Variants in LEP observed in about 807,000 individuals in gnomAD.
LEP encodes the protein leptin.
Under a neutral mutation model 9.8 loss-of-function variants are expected in LEP, and 6 were observed. The observed-to-expected ratio is 0.61, with a 90% CI of 0.34 to 1.21. The LOEUF (loss-of-function observed/expected upper bound fraction) is 1.21. LEP is among the 50% of genes most tolerant of loss of function. The pLI, the probability that LEP is intolerant of heterozygous loss-of-function variation, is 0.04. For synonymous variants in LEP, 112 were observed against 81.7 expected (o/e 1.37, Z -2.00); for missense variants, 134 against 198.1 (o/e 0.68, Z 1.94).
chr7:128,250,165 C>T lies in LEP; in HGVS notation c.-28-1826C>T, dbSNP rs751385714. Among the ~76,000 whole-genome samples, 79 of 152,294 alleles carry T rather than the reference C, an allele frequency of 5.2e-4. 1 individual carries two copies. Among genetic ancestry groups the T allele is most frequent in the Middle Eastern group, 3.4e-3 (1 of 294 alleles). On this transcript the variant is annotated intron_variant, in intron 1 of 2. Transcript: ENST00000308868. ...CGCAGAGCCTAATCACTACACCCGCCCATCTCTGCTAGGGTTTCATGACTT... is the reference window on the plus strand; with the variant it reads ...CGCAGAGCCTAATCACTACACCCGCTCATCTCTGCTAGGGTTTCATGACTT...
intron 1 of LEP, among the ~76,000 whole-genome samples, chr7:128,245,802 G>C (rs2116209388): frequency 6.6e-6 from 1 of 152,270 alleles, no homozygotes; most frequent in South Asian, 2.1e-4. Context: ...GGTGGCTCAT[G>C]CCTGTAATCC....
intron 1 of LEP, among the ~76,000 whole-genome samples, chr7:128,246,424 C>T (rs1056977920): frequency 6.6e-6 from 1 of 152,102 alleles, no homozygotes; most frequent in Non-Finnish European, 1.5e-5. Context: ...TCTCTTGCTG[C>T]CCTGTTTACT....
intron 1 of LEP, among the ~76,000 whole-genome samples, chr7:128,246,648 A>G (rs1355489147): frequency 6.6e-6 from 1 of 151,204 alleles, no homozygotes; most frequent in African/African-American, 2.4e-5. Context: ...TTTTTTTTAG[A>G]GATGGGGTCT....
intron 2 of LEP, among the ~76,000 whole-genome samples, chr7:128,252,591 G>A (rs1795288373): frequency 6.6e-6 from 1 of 151,876 alleles, no homozygotes; most frequent in African/African-American, 2.4e-5. Context: ...ATGTTAGCTG[G>A]GCATGGTGGT....
rs201676475 is a variant in LEP at position 128,256,074 on chromosome 7, A to G, written c.*1311A>G. ...GTTCCTATTTGGGGCTTGCATGCCA[A>G]ATTGTAGTTCTTGTCTGATTGGCTC... On this transcript the variant is annotated 3_prime_UTR_variant, in exon 3 of 3. Coordinates refer to ENST00000308868, the MANE Select transcript of LEP (RefSeq NM_000230.3). 2.0e-5 allele frequency: 3 copies of G among 152,318 alleles called. No individual in the cohort carries two copies. The highest frequency in any genetic ancestry group is 7.2e-5 in the African/African-American group (3 of 41,558). 9.4% of individuals were successfully genotyped at this position (152,318 alleles called of 1,614,324 possible).
intron 1 of LEP, among the ~76,000 whole-genome samples, chr7:128,249,849 G>A (rs1490382027): frequency 6.6e-6 from 1 of 152,186 alleles, no homozygotes; most frequent in East Asian, 1.9e-4. Context: ...CCTAAACCTG[G>A]CCTCTCCTAT....
At chr7:128,254,313 T>C (rs1348137951) in intron 2 of LEP, 91 bp from the exon 3 acceptor site, 13 of 1,550,178 alleles carry the variant, frequency 8.4e-6, no homozygotes, top group African/African-American at 2.7e-5. Context: ...GCCCAGAGAA[T>C]GACCCTCCAT....
At chr7:128,247,778 T>G (rs1795228879) in intron 1 of LEP, among the ~76,000 whole-genome samples, 1 of 152,212 alleles carries the variant, frequency 6.6e-6, no homozygotes, top group African/African-American at 2.4e-5. Flanking sequence ...TTATCTCATT[T>G]CAGCCACATA....
rs959772300 is a variant in LEP, at chr7:128,246,200, A to G, written c.-29+4894A>G. 3.3e-5 allele frequency among the ~76,000 whole-genome samples: 5 copies of G among 152,024 alleles called. No individual in the cohort carries two copies. In the South Asian group the frequency reaches 1.0e-3, roughly 32 times the overall value. On this transcript the variant is annotated intron_variant, in intron 1 of 2. Coordinates refer to ENST00000308868, the MANE Select transcript of LEP (RefSeq NM_000230.3). ...GCCTCCATCTGCCTTGTCCCCTGCA[A>G]TGGTGGGAAGGTGATGGAGCTCAAG...
At chr7:128,242,766 A>T (rs1404426159) in intron 1 of LEP, among the ~76,000 whole-genome samples, 9 of 152,212 alleles carry the variant, frequency 5.9e-5, no homozygotes, top group Non-Finnish European at 1.0e-4. Flanking sequence ...AGTTGCAATG[A>T]ATTCCTGCCC....
intron 2 of LEP, 57 bp downstream of exon 2, chr7:128,252,219 A>G (rs1795283707): frequency 1.9e-6 from 3 of 1,577,718 alleles, no homozygotes; most frequent in East Asian, 2.2e-5. Flanking sequence ...ACTGGCTCCT[A>G]GTGGCACTGG....
chr7:128,242,749 C>A (rs901808134), intron 1 of LEP, among the ~76,000 whole-genome samples: 1 of 152,210 alleles, frequency 6.6e-6, no homozygotes, highest in Non-Finnish European at 1.5e-5. Context: ...AAGGACAGAG[C>A]CAGGGAAGTT....
At chr7:128,242,803 G>A (rs1014444063) in intron 1 of LEP, among the ~76,000 whole-genome samples, 5 of 152,194 alleles carry the variant, frequency 3.3e-5, no homozygotes, top group East Asian at 1.9e-4. Flanking sequence ...TGCCTTGCAC[G>A]TCTGAGTGGC....
At chr7:128,252,554 A>AC (rs1323978344) in intron 2 of LEP, among the ~76,000 whole-genome samples, 2 of 151,788 alleles carry the variant, frequency 1.3e-5, no homozygotes, top group African/African-American at 4.8e-5. Context: ...GCATAGGGAG[A>AC]CCCCATCTCT....
At chr7:128,253,179 G>A (rs892672283) in intron 2 of LEP, among the ~76,000 whole-genome samples, 2 of 152,126 alleles carry the variant, frequency 1.3e-5, no homozygotes, top group South Asian at 2.1e-4. Context: ...TCTCCTCAGG[G>A]CCTCTATCCC....
intron 1 of LEP, among the ~76,000 whole-genome samples, chr7:128,246,071 A>AAAAAAAAT (rs1166357738): frequency 9.5e-4 from 144 of 152,008 alleles, no homozygotes; most frequent in Middle Eastern, 3.4e-3. Flanking sequence ...ACTCCGTCAA[A>AAAAAAAAT]AAAAAAATAA....
rs1456088120 is a variant in LEP, at chr7:128,255,595, C to T, written c.*832C>T. ...CAAGTGTCATATGTAGGTGTCTGCACCCAGGGGTGGGGAATGTTTGGGCAG... is the reference window on the plus strand; with the variant it reads ...CAAGTGTCATATGTAGGTGTCTGCATCCAGGGGTGGGGAATGTTTGGGCAG... On this transcript the variant is annotated 3_prime_UTR_variant, in exon 3 of 3. Coordinates refer to ENST00000308868, the MANE Select transcript of LEP (RefSeq NM_000230.3). The T allele has an allele frequency of 6.6e-6, 1 of 152,040 alleles. No individual in the cohort carries two copies. Among genetic ancestry groups the T allele is most frequent in the African/African-American group, 2.4e-5 (1 of 41,380 alleles). 9.4% of individuals were successfully genotyped at this position (152,040 alleles called of 1,614,324 possible). A position where few individuals can be genotyped will look rare whatever the true frequency, so the allele number is the denominator to read the frequency against.
At chr7:128,247,559 T>A (rs1268965527) in intron 1 of LEP, among the ~76,000 whole-genome samples, 1 of 152,086 alleles carries the variant, frequency 6.6e-6, no homozygotes, top group East Asian at 1.9e-4. Context: ...AGCCACCATC[T>A]CCTAAACCCA....
intron 1 of LEP, among the ~76,000 whole-genome samples, chr7:128,243,024 G>T (rs369661652): frequency 3.3e-5 from 5 of 152,210 alleles, no homozygotes; most frequent in Admixed American, 6.5e-5. Context: ...CCCCACCGGG[G>T]TAGGAGTCTG....
Sources: allele counts gnomAD v4.1 joint callset (sites outside exome capture counted in the v4.1 genomes callset), GRCh38; gene constraint gnomAD v4.1.1; transcripts MANE v1.5; gene names NCBI Gene and HGNC (gene_info 2026-07-23, HGNC 2026-07-21).